Variants in SLC37A3 observed in about 807,000 individuals in gnomAD.
SLC37A3 encodes solute carrier family 37 member 3, also known as sugar phosphate exchanger 3.
SLC37A3 carries 51 observed loss-of-function variants against 67.1 expected under a neutral mutation model. The observed-to-expected ratio is 0.76, with a 90% CI of 0.61 to 0.96. The LOEUF (loss-of-function observed/expected upper bound fraction) is 0.96. Ranked by LOEUF, SLC37A3 falls within the 40% of genes least tolerant of loss-of-function variation. The pLI is 0.00. For synonymous variants in SLC37A3, 214 were observed against 231.4 expected, an observed-to-expected ratio of 0.92 and a Z score of 0.68; for missense variants, 508 against 603.0, an observed-to-expected ratio of 0.84 and a Z score of 1.65.
intron 5 of SLC37A3, among the ~76,000 whole-genome samples, chr7:140,360,327 G>A (rs1056813001): frequency 1.3e-5 from 2 of 152,048 alleles, no homozygotes; most frequent in African/African-American, 2.4e-5. Context: ...AGCAAATCGA[G>A]ACCTTATCTC....
At chr7:140,380,895 TTC>T (rs1491020723) in intron 2 of SLC37A3, among the ~76,000 whole-genome samples, 3 of 73,958 alleles carry the variant, frequency 4.1e-5, no homozygotes, top group Non-Finnish European at 8.3e-5. Flanking sequence ...ATTCTTCTTC[TTC>T]TTTTTTTTTT....
intron 1 of SLC37A3, among the ~76,000 whole-genome samples, chr7:140,384,652 A>G (rs1798381459): frequency 6.6e-6 from 1 of 152,090 alleles, no homozygotes; most frequent in African/African-American, 2.4e-5. Flanking sequence ...CCAGGGGTTC[A>G]AGGAGGCAGG....
In SLC37A3 at chr7:140,382,496, A is replaced by G; in HGVS notation, c.31T>C (p.Ser11Pro). The part of the protein sequence containing the change: MAWPNVFQRG[S>P]LLSQFSHHHV... ...TGATGGCTGAACTGGGACAGCAGAGACCCTCTTTGAAAAACATTTGGCCAG... is the reference window on the plus strand; with the variant it reads ...TGATGGCTGAACTGGGACAGCAGAGGCCCTCTTTGAAAAACATTTGGCCAG... Residue 11 changes from serine (S) to proline (P), a missense_variant, in exon 2 of 15, where the codon TCT (serine) becomes CCT (proline). Transcript: ENST00000326232. 6.2e-7 allele frequency: 1 copy of G among 1,613,996 alleles called. No homozygotes were observed. Among genetic ancestry groups the G allele is most frequent in the Non-Finnish European group, 8.5e-7 (1 of 1,179,926 alleles).
chr7:140,363,491 G>T, intron 5 of SLC37A3, among the ~76,000 whole-genome samples: 1 of 107,612 alleles, frequency 9.3e-6, no homozygotes, highest in African/African-American at 3.5e-5. Flanking sequence ...GATGCTTGAA[G>T]GCAGCAGGCT....
intron 3 of SLC37A3, among the ~76,000 whole-genome samples, chr7:140,371,243 T>C (rs1797807624): frequency 6.6e-6 from 1 of 152,204 alleles, no homozygotes; most frequent in Non-Finnish European, 1.5e-5. Context: ...TGGCACAATC[T>C]TGGCTCACTG....
chr7:140,336,287 A>G (rs1796128044), intron 14 of SLC37A3, among the ~76,000 whole-genome samples: 1 of 152,234 alleles, frequency 6.6e-6, no homozygotes, highest in Non-Finnish European at 1.5e-5. Flanking sequence ...GCACACACCT[A>G]TAGTCCCAGG....
intron 7 of SLC37A3, among the ~76,000 whole-genome samples, chr7:140,353,353 T>G (rs1227835464): frequency 6.6e-6 from 1 of 151,630 alleles, no homozygotes; most frequent in Admixed American, 6.6e-5. Flanking sequence ...CGTGGTGGCG[T>G]ACACCTGTAA....
At chr7:140,343,031 G>C (rs1796418696) in intron 13 of SLC37A3, among the ~76,000 whole-genome samples, 1 of 152,110 alleles carries the variant, frequency 6.6e-6, no homozygotes, top group Admixed American at 6.5e-5. Flanking sequence ...AGGGAGACGG[G>C]AGACAGCAAT....
At chr7:140,341,899 G>C (rs533032814) in intron 13 of SLC37A3, among the ~76,000 whole-genome samples, 1 of 152,182 alleles carries the variant, frequency 6.6e-6, no homozygotes, top group Non-Finnish European at 1.5e-5. Flanking sequence ...TGATGGCTGG[G>C]AGCATTTTTC....
At chr7:140,389,703 T>C (rs1798649442) in intron 1 of SLC37A3, among the ~76,000 whole-genome samples, 1 of 152,166 alleles carries the variant, frequency 6.6e-6, no homozygotes, top group African/African-American at 2.4e-5. Flanking sequence ...AAAAGATGAC[T>C]TCGCACTGCA....
chr7:140,345,016 T>G (rs1442656562), intron 12 of SLC37A3, among the ~76,000 whole-genome samples, 200 bp downstream of exon 12: 1 of 152,188 alleles, frequency 6.6e-6, no homozygotes, highest in Non-Finnish European at 1.5e-5. Flanking sequence ...GGACCGCTTC[T>G]GTCACAATAG....
chr7:140,394,021 A>G (rs1370582926), intron 1 of SLC37A3, among the ~76,000 whole-genome samples: 1 of 152,104 alleles, frequency 6.6e-6, no homozygotes, highest in Non-Finnish European at 1.5e-5. Flanking sequence ...AAATACAAAA[A>G]TCAGCGGGGC....
intron 13 of SLC37A3, among the ~76,000 whole-genome samples, chr7:140,339,371 C>G (rs1191099578): frequency 6.6e-6 from 1 of 150,538 alleles, no homozygotes; most frequent in Non-Finnish European, 1.5e-5. Context: ...AGCGATTATC[C>G]TGCCTCAGCC....
intron 1 of SLC37A3, among the ~76,000 whole-genome samples, chr7:140,395,827 G>C (rs1043423118): frequency 6.6e-6 from 1 of 152,172 alleles, no homozygotes; most frequent in African/African-American, 2.4e-5. Context: ...ACTCAAAGGA[G>C]AGGGGCATTA....
intron 2 of SLC37A3, among the ~76,000 whole-genome samples, chr7:140,381,924 G>C (rs763031110): frequency 2.1e-4 from 31 of 148,444 alleles, no homozygotes; most frequent in Non-Finnish European, 4.0e-4. Flanking sequence ...TGAGGCAGGA[G>C]AATAGCTTGA....
At chr7:140,350,678 C>A (rs1051487949) in intron 9 of SLC37A3, among the ~76,000 whole-genome samples, 1 of 152,048 alleles carries the variant, frequency 6.6e-6, no homozygotes, top group South Asian at 2.1e-4. Flanking sequence ...GCAGGAGAAT[C>A]GCTTGAACCC....
rs368863266 is a variant in SLC37A3 at position 140,357,498 on chromosome 7, G to C, written c.521+1142C>G. Among the ~76,000 whole-genome samples, 81 of 151,252 alleles carry C rather than the reference G, an allele frequency of 5.4e-4. 1 individual carries two copies. The highest frequency in any genetic ancestry group is 1.9e-3 in the African/African-American group (78 of 41,154). On this transcript the variant is annotated intron_variant, in intron 6 of 14. Coordinates refer to ENST00000326232, the MANE Select transcript of SLC37A3 (RefSeq NM_207113.3). The stretch of plus-strand genomic sequence containing the variant: ...TATATTCCCAGCACTTCGGGAGGCC[G>C]AGGCAGAATAGCTTGAGGCCATGAA...
chr7:140,369,618 T>C lies in SLC37A3; in HGVS notation c.263A>G (p.Asp88Gly). ...AGCATAGGAGAAGAGGAAAATGGTA[T>C]CCAGTGTGCCGAGGAAAAGAGTCGC... ...EKATLFLGTL[D>G]TIFLFSYAVG... Residue 88 changes from aspartate (D) to glycine (G), a missense_variant, in exon 4 of 15, where the codon GAT (aspartate) becomes GGT (glycine). By Grantham distance (94) the Asp-to-Gly change is moderately conservative. Coordinates refer to ENST00000326232, the MANE Select transcript of SLC37A3 (RefSeq NM_207113.3). 6.2e-7 allele frequency: 1 copy of C among 1,614,078 alleles called. No individual in the cohort carries two copies. Among genetic ancestry groups the C allele is most frequent in the African/African-American group, 1.3e-5 (1 of 75,050 alleles).
chr7:140,352,574 C>A (rs1796858497), intron 7 of SLC37A3, among the ~76,000 whole-genome samples: 3 of 152,068 alleles, frequency 2.0e-5, no homozygotes, highest in African/African-American at 7.2e-5. Flanking sequence ...AAGGCCCAAT[C>A]CTACTGAGAA....
Sources: gnomAD v4.1 joint callset for allele counts (sites outside exome capture counted in the v4.1 genomes callset) on GRCh38, gnomAD v4.1.1 for gene constraint, MANE v1.5 for transcripts, NCBI Gene and HGNC (gene_info 2026-07-23, HGNC 2026-07-21) for gene names.